The following FRMPD4 variants were observed in gnomAD, a reference collection of about 807,000 sequenced individuals.
FRMPD4 encodes the protein FERM and PDZ domain-containing protein 4.
FRMPD4 carries 22 observed loss-of-function variants against 94.1 expected under a neutral mutation model. The ratio of observed to expected loss-of-function variants is 0.23; its 90% confidence interval spans 0.17 to 0.33. The LOEUF is 0.33. Among genes scored for constraint, FRMPD4 ranks in the 10% least tolerant of loss-of-function variants. The probability of loss-of-function intolerance (pLI) is 1.00; values close to 1 mark genes in which losing one functional copy is unlikely to be tolerated. For synonymous variants in FRMPD4, 631 were observed against 548.6 expected, an observed-to-expected ratio of 1.15 and a Z score of -2.10; for missense variants, 1,111 against 1,339.9, an observed-to-expected ratio of 0.83 and a Z score of 2.67.
At chrX:12,486,274 A>C (rs973454714) in intron 1 of FRMPD4, among the ~76,000 whole-genome samples, 1 of 111,748 alleles carries the variant, frequency 8.9e-6, no homozygotes, top group African/African-American at 3.3e-5. Context: ...AGCAGCTTCA[A>C]CACCACCTGG....
rs957460115 is a variant in FRMPD4, at chrX:11,837,957, A to T, written c.-161+15242A>T. Among the ~76,000 whole-genome samples the T allele has an allele frequency of 1.9e-4, 21 of 111,787 alleles. 1 individual carries two copies. Among genetic ancestry groups the T allele is most frequent in the Admixed American group, 8.6e-4 (9 of 10,488 alleles). ...TATATTCTAAGGTACTCTAAATTCCATGGGGAATAAGACCCCCAACATGAA... is the reference window on the plus strand; with the variant it reads ...TATATTCTAAGGTACTCTAAATTCCTTGGGGAATAAGACCCCCAACATGAA... On this transcript the variant is annotated intron_variant, in intron 1 of 18. Transcript: ENST00000640291.
chrX:11,904,578 C>T (rs150930929), intron 3 of FRMPD4, among the ~76,000 whole-genome samples: 28 of 112,123 alleles, frequency 2.5e-4, no homozygotes, highest in Non-Finnish European at 4.5e-4. Flanking sequence ...ATTGAGTTTC[C>T]GGTCTTGTTC....
At chrX:12,135,642 A>T (rs1186850203), upstream of FRMPD4, among the ~76,000 whole-genome samples, 1 of 109,685 alleles carries the variant, frequency 9.1e-6, no homozygotes, top group Non-Finnish European at 1.9e-5. Context: ...ACAAATTGGC[A>T]CAGGGAGAAG....
chrX:12,304,454 C>A (rs754505644), intron 1 of FRMPD4, among the ~76,000 whole-genome samples: 5 of 111,267 alleles, frequency 4.5e-5, no homozygotes, highest in Non-Finnish European at 7.5e-5. Context: ...CTGTGACAGT[C>A]AGAAACGTCT....
chrX:12,204,926 A>G (rs2056674114), intron 1 of FRMPD4, among the ~76,000 whole-genome samples: 1 of 110,226 alleles, frequency 9.1e-6, no homozygotes, highest in African/African-American at 3.3e-5. Flanking sequence ...AAATTGCCCC[A>G]TTCATGAATT....
intron 1 of FRMPD4, among the ~76,000 whole-genome samples, chrX:12,436,946 G>T (rs774104934): frequency 3.3e-4 from 37 of 111,816 alleles, no homozygotes; most frequent in Non-Finnish European, 6.6e-4. Flanking sequence ...CTAATACCTA[G>T]ATGATTTCTA....
chrX:12,429,983 C>T (rs1005717114), intron 1 of FRMPD4, among the ~76,000 whole-genome samples: 1 of 112,128 alleles, frequency 8.9e-6, no homozygotes, highest in African/African-American at 3.2e-5. Flanking sequence ...CACCAGGCCC[C>T]AACTTGCCAG....
At position 11,854,177 on chromosome X, in the gene FRMPD4, G is replaced by A. The variant is rs145942068; in HGVS notation, c.-160-10909G>A. Among the ~76,000 whole-genome samples, 4 of 111,340 alleles carry A rather than the reference G, an allele frequency of 3.6e-5. No individual in the cohort carries two copies. In the Admixed American group the frequency reaches 3.8e-4, roughly 11 times the overall value. On this transcript the variant is annotated intron_variant, in intron 1 of 18. Transcript: ENST00000640291. ...CCCTTATAAAACAATCAGATCTTGT[G>A]AGAACTAACTCCCTATCATGAGAAA...
chrX:12,262,485 A>G (rs2054205505), intron 1 of FRMPD4, among the ~76,000 whole-genome samples: 1 of 111,437 alleles, frequency 9.0e-6, no homozygotes, highest in South Asian at 3.7e-4. Context: ...GCTTTAGACG[A>G]GGCACTTAAT....
intron 1 of FRMPD4, among the ~76,000 whole-genome samples, chrX:12,240,267 AT>A (rs1181649205): frequency 8.9e-6 from 1 of 111,916 alleles, no homozygotes; most frequent in African/African-American, 3.2e-5. Context: ...GGCAACCTCT[AT>A]TCTAGAGGCT....
intron 1 of FRMPD4, among the ~76,000 whole-genome samples, chrX:12,339,090 G>A (rs5979602): frequency 0.093 from 10,354 of 111,709 alleles, 1,188 homozygotes; most frequent in African/African-American, 0.32. Flanking sequence ...ATTAAGGGCT[G>A]CAATCCAGGC....
intron 2 of FRMPD4, among the ~76,000 whole-genome samples, chrX:12,524,137 A>C (rs1430084256): frequency 8.9e-6 from 1 of 111,985 alleles, no homozygotes; most frequent in Non-Finnish European, 1.9e-5. Context: ...CCTGGGTGAC[A>C]GAGTGAGACC....
intron 1 of FRMPD4, among the ~76,000 whole-genome samples, chrX:12,257,554 A>T (rs1398452140): frequency 5.4e-5 from 6 of 110,951 alleles, no homozygotes; most frequent in Non-Finnish European, 1.1e-4. Context: ...GAACTATGAG[A>T]GTATTGTGGT....
At chrX:12,242,890 C>T (rs1178854760) in intron 1 of FRMPD4, among the ~76,000 whole-genome samples, 1 of 112,347 alleles carries the variant, frequency 8.9e-6, no homozygotes, top group African/African-American at 3.2e-5. Flanking sequence ...GCCCATGCCA[C>T]CATGCCCAGC....
intron 1 of FRMPD4, among the ~76,000 whole-genome samples, chrX:11,847,905 TTAGCGTTAGGAG>T (rs2053588982): frequency 1.8e-5 from 1 of 55,227 alleles, no homozygotes; most frequent in African/African-American, 7.5e-5. Flanking sequence ...GGGGGGAGGG[TTAGCGTTAGGAG>T]ATATACCTAA....
chrX:12,513,181 AT>A (rs1301091966), intron 2 of FRMPD4, among the ~76,000 whole-genome samples: 3 of 111,965 alleles, frequency 2.7e-5, no homozygotes, highest in Non-Finnish European at 5.6e-5. Flanking sequence ...GTTCACTCTG[AT>A]GATAGTTTAT....
At chrX:12,001,494 G>A (rs1361546974) in intron 3 of FRMPD4, among the ~76,000 whole-genome samples, 1 of 112,148 alleles carries the variant, frequency 8.9e-6, no homozygotes, top group East Asian at 2.8e-4. Flanking sequence ...ATGACCATAT[G>A]TTTCTCAGAT....
At chrX:12,570,217 A>C (rs2058748564) in intron 2 of FRMPD4, among the ~76,000 whole-genome samples, 1 of 112,316 alleles carries the variant, frequency 8.9e-6, no homozygotes, top group Admixed American at 9.4e-5. Context: ...TTTCCCCTGC[A>C]TTGCCAGTGC....
intron 3 of FRMPD4, among the ~76,000 whole-genome samples, chrX:11,992,923 A>G (rs1166036047): frequency 9.2e-6 from 1 of 108,456 alleles, no homozygotes; most frequent in African/African-American, 3.4e-5. Context: ...CAAATGCACA[A>G]CCAACAAATA....
Sources: gnomAD v4.1 joint callset for allele counts (sites outside exome capture counted in the v4.1 genomes callset) on GRCh38, gnomAD v4.1.1 for gene constraint, MANE v1.5 for transcripts, NCBI Gene and HGNC (gene_info 2026-07-23, HGNC 2026-07-21) for gene names.